The following SH2D4B variants were observed in gnomAD, a reference collection of about 807,000 sequenced individuals.
The protein encoded by SH2D4B is SH2 domain-containing protein 4B.
Under a neutral mutation model 61.5 loss-of-function variants are expected in SH2D4B, and 45 were observed. That is an observed-to-expected ratio of 0.73 (90% CI 0.58 to 0.94). The LOEUF (loss-of-function observed/expected upper bound fraction) is 0.94. Among genes scored for constraint, SH2D4B ranks in the 40% least tolerant of loss-of-function variants. The pLI, the probability that SH2D4B is intolerant of heterozygous loss-of-function variation, is 0.00. For synonymous variants in SH2D4B, 224 were observed against 220.4 expected (o/e 1.02, Z -0.14); for missense variants, 572 against 574.2 (o/e 1.00, Z 0.04).
At position 80,588,610 on chromosome 10, in the gene SH2D4B, C is replaced by T. The variant is rs1442432481; in HGVS notation, c.496-20C>T. 3 of 1,612,998 alleles carry T rather than the reference C, an allele frequency of 1.9e-6. No homozygotes were observed. Among genetic ancestry groups the T allele is most frequent in the East Asian group, 2.2e-5 (1 of 44,866 alleles). On this transcript the variant is annotated intron_variant, in intron 3 of 7. Coordinates refer to ENST00000646907, the MANE Select transcript of SH2D4B (RefSeq NM_001388272.1). ...AGTGTTGTGGTCATCTCGTGTTGTT[C>T]TGTTCCCATGACATTTTAGAGGAAA...
chr10:80,609,222 C>A (rs77956036), intron 5 of SH2D4B, among the ~76,000 whole-genome samples: 5,507 of 152,168 alleles, frequency 0.036, 174 homozygotes, highest in East Asian at 0.11. Flanking sequence ...CTGTTTTAAT[C>A]CTCTTTGTAG....
Position 80,644,103 on chromosome 10 carries a change from T to C in SH2D4B, c.*18T>C. The C allele has an allele frequency of 6.2e-7, 1 of 1,601,924 alleles. No individual in the cohort carries two copies. Among genetic ancestry groups the C allele is most frequent in the Non-Finnish European group, 8.6e-7 (1 of 1,169,500 alleles). On this transcript the variant is annotated 3_prime_UTR_variant, in exon 8 of 8. Transcript: ENST00000646907. ...TTGAATAATTTTTTTCCTTATCAAT[T>C]GGATTCATTTTGGTATCCTGTTTTT...
intron 1 of SH2D4B, among the ~76,000 whole-genome samples, chr10:80,541,727 G>A (rs574547301): frequency 2.6e-5 from 4 of 152,310 alleles, no homozygotes; most frequent in South Asian, 2.1e-4. Context: ...TCACAGCCCC[G>A]GAGTTGTGCC....
intron 3 of SH2D4B, among the ~76,000 whole-genome samples, chr10:80,572,974 ATATATATATATAT>A (rs1842074726): frequency 1.3e-4 from 1 of 7,686 alleles, no homozygotes; most frequent in African/African-American, 6.0e-4. Flanking sequence ...ATATATATAT[ATATATATATATAT>A]TTTTTTTTTT....
chr10:80,595,550 G>A (rs1842376468), intron 4 of SH2D4B, among the ~76,000 whole-genome samples: 1 of 152,156 alleles, frequency 6.6e-6, no homozygotes, highest in Non-Finnish European at 1.5e-5. Context: ...CAACACTATT[G>A]CCCTGGCCTA....
Position 80,644,169 on chromosome 10 carries a change from T to G in SH2D4B, c.*84T>G, listed in dbSNP as rs1011488775. 4.6e-6 allele frequency: 5 copies of G among 1,079,054 alleles called. No individual in the cohort carries two copies. Among genetic ancestry groups the G allele is most frequent in the Non-Finnish European group, 7.0e-6 (5 of 714,102 alleles). 66.8% of individuals were successfully genotyped at this position (1,079,054 alleles called of 1,614,324 possible). A position where few individuals can be genotyped will look rare whatever the true frequency, so the allele number is the denominator to read the frequency against. ...ACTTCTCATCTCAAATCCTATGGCCTTCTGGAAGATCCACCACTATCCAAA... is the reference window on the plus strand; with the variant it reads ...ACTTCTCATCTCAAATCCTATGGCCGTCTGGAAGATCCACCACTATCCAAA... On this transcript the variant is annotated 3_prime_UTR_variant, in exon 8 of 8. Coordinates refer to ENST00000646907, the MANE Select transcript of SH2D4B (RefSeq NM_001388272.1).
At chr10:80,587,430 C>T (rs529247295) in intron 3 of SH2D4B, among the ~76,000 whole-genome samples, 7 of 152,214 alleles carry the variant, frequency 4.6e-5, no homozygotes, top group African/African-American at 1.4e-4. Context: ...CACACATGCG[C>T]CACCATGCTG....
At chr10:80,602,196 C>T (rs1842457873) in intron 4 of SH2D4B, among the ~76,000 whole-genome samples, 1 of 152,156 alleles carries the variant, frequency 6.6e-6, no homozygotes, top group African/African-American at 2.4e-5. Flanking sequence ...CGTGGGGGTT[C>T]ACTCTTATAA....
At chr10:80,638,244 T>A (rs1334692698) in intron 7 of SH2D4B, among the ~76,000 whole-genome samples, 2 of 152,326 alleles carry the variant, frequency 1.3e-5, no homozygotes, top group African/African-American at 4.8e-5. Context: ...GGTCTAAAAT[T>A]CTCTTTTTTT....
chr10:80,609,600 C>T (rs975222796), intron 6 of SH2D4B, 49 bp downstream of exon 6: 14 of 1,612,246 alleles, frequency 8.7e-6, no homozygotes, highest in African/African-American at 1.3e-5. Context: ...CACATCTTTG[C>T]CTCTCTCTGG....
intron 3 of SH2D4B, among the ~76,000 whole-genome samples, chr10:80,585,329 T>TC (rs1362163722): frequency 6.6e-6 from 1 of 150,734 alleles, no homozygotes; most frequent in East Asian, 1.9e-4. Context: ...TCTTTTTCTT[T>TC]TTTTTTTTTT....
At chr10:80,592,446 C>G (rs1589348766) in intron 4 of SH2D4B, among the ~76,000 whole-genome samples, 1 of 152,256 alleles carries the variant, frequency 6.6e-6, no homozygotes, top group East Asian at 1.9e-4. Context: ...AAACCATTGC[C>G]TAATCCAAGG....
At chr10:80,617,513 G>T (rs1351466955) in intron 6 of SH2D4B, among the ~76,000 whole-genome samples, 2 of 152,202 alleles carry the variant, frequency 1.3e-5, no homozygotes, top group African/African-American at 4.8e-5. Context: ...TAATTCATTT[G>T]TTGATTATTA....
At chr10:80,601,352 C>A (rs1589352059) in intron 4 of SH2D4B, among the ~76,000 whole-genome samples, 1 of 152,190 alleles carries the variant, frequency 6.6e-6, no homozygotes, top group African/African-American at 2.4e-5. Context: ...TTAAATGATG[C>A]TCACTACTTT....
chr10:80,563,827 A>C (rs553729814), intron 1 of SH2D4B, among the ~76,000 whole-genome samples: 116 of 152,352 alleles, frequency 7.6e-4, no homozygotes, highest in Non-Finnish European at 1.3e-3. Context: ...CCCACAAGGC[A>C]TATAGGTTGG....
At chr10:80,556,443 C>T (rs547793646) in intron 1 of SH2D4B, among the ~76,000 whole-genome samples, 2 of 152,332 alleles carry the variant, frequency 1.3e-5, no homozygotes, top group African/African-American at 2.4e-5. Flanking sequence ...TTTGCTTTTA[C>T]ACATAAGTTA....
chr10:80,635,084 C>G (rs570139750), intron 7 of SH2D4B, among the ~76,000 whole-genome samples: 1 of 152,162 alleles, frequency 6.6e-6, no homozygotes, highest in Non-Finnish European at 1.5e-5. Flanking sequence ...ATACTTAGCT[C>G]GGACCCTGTG....
Position 80,609,446 on chromosome 10 carries a change from C to A in SH2D4B, c.883C>A (p.Arg295Ser), listed in dbSNP as rs12243537. ...CAGCAGGACCTGGGAGCGCCCGCTG[C>A]GCCCAGTCTCCAGAGATGTCATCGT... ...PVSRTWERPL[R>S]PVSRDVIVRW... The change falls in exon 6 of 8, where the codon CGC becomes AGC. Residue 295 changes from arginine (R) to serine (S), a missense_variant. Arg to Ser is a moderately radical substitution (Grantham distance 110). Coordinates refer to ENST00000646907, the MANE Select transcript of SH2D4B (RefSeq NM_001388272.1). 1.2e-6 allele frequency: 2 copies of A among 1,613,898 alleles called. No individual in the cohort carries two copies. The highest frequency in any genetic ancestry group is 1.7e-6 in the Non-Finnish European group (2 of 1,179,964).
intron 6 of SH2D4B, among the ~76,000 whole-genome samples, chr10:80,622,328 T>A (rs910822829): frequency 3.9e-5 from 6 of 152,240 alleles, no homozygotes; most frequent in African/African-American, 1.4e-4. Flanking sequence ...TGCTCCTTAC[T>A]TTTTCACATG....
Sources: allele counts gnomAD v4.1 joint callset (sites outside exome capture counted in the v4.1 genomes callset), GRCh38; gene constraint gnomAD v4.1.1; transcripts MANE v1.5; gene names NCBI Gene and HGNC (gene_info 2026-07-23, HGNC 2026-07-21).